The following AMPH variants were observed in gnomAD, a reference collection of about 807,000 sequenced individuals.
AMPH encodes amphiphysin (Stiff-Mann syndrome with breast cancer 128kD autoantigen).
Under a neutral mutation model 99.1 loss-of-function variants are expected in AMPH, and 49 were observed. That is an observed-to-expected ratio of 0.49 (90% confidence interval 0.39 to 0.63). The LOEUF (loss-of-function observed/expected upper bound fraction) is 0.63, where lower values mean the gene tolerates loss of function less well. Among genes scored for constraint, AMPH ranks in the 20% least tolerant of loss-of-function variants. The pLI is 0.00. For synonymous variants in AMPH, 314 were observed against 317.3 expected, an observed-to-expected ratio of 0.99 and a Z score of 0.11; for missense variants, 759 against 863.4, an observed-to-expected ratio of 0.88 and a Z score of 1.52.
chr7:38,405,335 T>C (rs1365721081), intron 17 of AMPH, among the ~76,000 whole-genome samples: 1 of 152,158 alleles, frequency 6.6e-6, no homozygotes, highest in East Asian at 1.9e-4. Flanking sequence ...AACACTATGA[T>C]AGGAACAAAA....
chr7:38,487,580 A>G (rs1788549689), intron 5 of AMPH, among the ~76,000 whole-genome samples: 1 of 152,132 alleles, frequency 6.6e-6, no homozygotes, highest in Non-Finnish European at 1.5e-5. Context: ...CTAGAAGAAA[A>G]CCTAGGCAAT....
At chr7:38,609,060 T>A (rs115113790) in intron 1 of AMPH, among the ~76,000 whole-genome samples, 376 of 152,152 alleles carry the variant, frequency 2.5e-3, no homozygotes, top group African/African-American at 8.5e-3. Flanking sequence ...CCCAATCCCA[T>A]TTGCTGGAAA....
chr7:38,507,059 C>T (rs1789353538), intron 2 of AMPH, among the ~76,000 whole-genome samples: 2 of 152,162 alleles, frequency 1.3e-5, no homozygotes, highest in Non-Finnish European at 1.5e-5. Flanking sequence ...GCATTCTTTT[C>T]TCAAATGTTC....
At chr7:38,392,093 T>C (rs2128974803) in intron 18 of AMPH, 76 bp from the exon 19 acceptor site, 15 of 1,498,020 alleles carry the variant, frequency 1.0e-5, no homozygotes, top group Non-Finnish European at 1.3e-5. Context: ...CAACCTGCCT[T>C]AGCCCCCAGC....
At chr7:38,548,762 T>G (rs532689933) in intron 1 of AMPH, among the ~76,000 whole-genome samples, 1 of 152,268 alleles carries the variant, frequency 6.6e-6, no homozygotes, top group African/African-American at 2.4e-5. Flanking sequence ...CACAAAAGAT[T>G]GGTTGGACAA....
At position 38,583,833 on chromosome 7, in the gene AMPH, C is replaced by A. The variant is rs142939160; in HGVS notation, c.69+47450G>T. ...AAGCCCCTGCACTGCTTACTACCCA[C>A]CAAGTCCTATAATCTTCCTTCCAGT... On this transcript the variant is annotated intron_variant, in intron 1 of 20. Coordinates refer to ENST00000356264, the MANE Select transcript of AMPH (RefSeq NM_001635.4). Among the ~76,000 whole-genome samples, 85 of 152,336 alleles carry A rather than the reference C, an allele frequency of 5.6e-4. 1 individual carries two copies. The highest frequency in any genetic ancestry group is 4.5e-3 in the Admixed American group (69 of 15,298).
chr7:38,526,891 C>A (rs1003112974), intron 2 of AMPH, among the ~76,000 whole-genome samples: 2 of 152,152 alleles, frequency 1.3e-5, no homozygotes, highest in South Asian at 4.1e-4. Context: ...AGTTTTAAAG[C>A]TTTATGTTTT....
intron 3 of AMPH, among the ~76,000 whole-genome samples, chr7:38,494,925 G>C (rs370689024): frequency 5.3e-5 from 8 of 152,070 alleles, no homozygotes; most frequent in East Asian, 1.9e-4. Flanking sequence ...TTAAATACAT[G>C]GCATAAAGCA....
rs373768495 is a variant in AMPH at position 38,540,692 on chromosome 7, C to CAAAAAAAAAAAAAAAAAA, written c.70-5699_70-5682dup. ...AGCTATGAGAAGGTGTGACCCCAAGCAAAAAAAAAAAAAAAAAAAAAAAAA... is the reference window on the plus strand; with the variant it reads ...AGCTATGAGAAGGTGTGACCCCAAGCAAAAAAAAAAAAAAAAAAAAAAAAAAAAAAAAAAAAAAAAAAA... On this transcript the variant is annotated intron_variant, in intron 1 of 20. Transcript: ENST00000356264. 4.6e-4 allele frequency among the ~76,000 whole-genome samples: 9 copies of CAAAAAAAAAAAAAAAAAA among 19,768 alleles called. 4 individuals are homozygous for CAAAAAAAAAAAAAAAAAA. The highest frequency in any genetic ancestry group is 1.2e-3 in the African/African-American group (7 of 5,666). 13.0% of individuals were successfully genotyped at this position (19,768 alleles called of 152,430 possible).
At position 38,436,332 on chromosome 7, in the gene AMPH, A is replaced by G. The variant is rs760882538; in HGVS notation, c.1074T>C (p.Pro358=). 6.2e-7 allele frequency: 1 copy of G among 1,614,206 alleles called. No homozygotes were observed. The stretch of plus-strand genomic sequence containing the variant: ...CTGCAGGTGTCACCTCGGGCTTGAA[A>G]GGATCAAAGTCCAGATCCAGCAAAG... ...EETLLDLDFD[P]FKPEVTPAGS... is the part of the protein sequence containing the mutation. The change falls in exon 12 of 21, where the codon CCT becomes CCC. Residue 358 remains proline (P), a synonymous_variant. Coordinates refer to ENST00000356264, the MANE Select transcript of AMPH (RefSeq NM_001635.4).
intron 1 of AMPH, among the ~76,000 whole-genome samples, chr7:38,562,189 C>G (rs1791578365): frequency 6.6e-6 from 1 of 151,374 alleles, no homozygotes; most frequent in Non-Finnish European, 1.5e-5. Flanking sequence ...CCTCCCTAGA[C>G]AGAGAAAGAA....
intron 1 of AMPH, among the ~76,000 whole-genome samples, chr7:38,577,322 G>GACCATCCCTC (rs1792282100): frequency 2.6e-5 from 4 of 152,300 alleles, no homozygotes; most frequent in African/African-American, 9.6e-5. Context: ...CTAGGCTGTA[G>GACCATCCCTC]TTCCAGCCCC....
intron 1 of AMPH, among the ~76,000 whole-genome samples, chr7:38,538,300 T>C (rs1790687610): frequency 6.6e-6 from 1 of 152,188 alleles, no homozygotes; most frequent in South Asian, 2.1e-4. Context: ...CAATGAACAG[T>C]AGCAAAGAAG....
At chr7:38,540,631 T>C (rs1444786980) in intron 1 of AMPH, among the ~76,000 whole-genome samples, 2 of 142,352 alleles carry the variant, frequency 1.4e-5, no homozygotes, top group Admixed American at 1.5e-4. Context: ...CAGAAATAAC[T>C]TCTGTTAATC....
Position 38,463,065 on chromosome 7 carries a change from C to T in AMPH, c.798G>A (p.Glu266=). ...RIAKTPSPPE[E]PSPLPSPTAS... is the part of the protein sequence containing the mutation. ...CTGTCGGGCTCGGGAGGGGTGAAGG[C>T]TCCTCAGGCGGTGATGGTGTCTTTG... Residue 266 remains glutamate (E), a synonymous_variant, in exon 10 of 21, where the codon GAG becomes GAA. Coordinates refer to ENST00000356264, the MANE Select transcript of AMPH (RefSeq NM_001635.4). 14 of 1,612,430 alleles carry T rather than the reference C, an allele frequency of 8.7e-6. No individual in the cohort carries two copies. Among genetic ancestry groups the T allele is most frequent in the Non-Finnish European group, 1.2e-5 (14 of 1,179,192 alleles).
rs542031778 is a variant in AMPH, at chr7:38,630,766, G to T, written c.69+517C>A. Among the ~76,000 whole-genome samples the T allele has an allele frequency of 1.5e-4, 23 of 152,318 alleles. No individual in the cohort carries two copies. In the South Asian group the frequency reaches 3.3e-3, roughly 22 times the overall value. On this transcript the variant is annotated intron_variant, in intron 1 of 20. Transcript: ENST00000356264. ...CTGGGAGATTTTTGGTGGCTTCTCTGTTAAATCGTTCGTGTCTGCTGCACT... is the reference window on the plus strand; with the variant it reads ...CTGGGAGATTTTTGGTGGCTTCTCTTTTAAATCGTTCGTGTCTGCTGCACT...
intron 1 of AMPH, among the ~76,000 whole-genome samples, chr7:38,587,949 T>TGTGTGTGTGCGCGC (rs931620644): frequency 2.1e-5 from 3 of 146,086 alleles, no homozygotes; most frequent in African/African-American, 7.7e-5. Flanking sequence ...TGTGTGTGTG[T>TGTGTGTGTGCGCGC]GCGCGTGTGT....
intron 1 of AMPH, among the ~76,000 whole-genome samples, chr7:38,575,244 T>C (rs1792195379): frequency 6.6e-6 from 1 of 152,142 alleles, no homozygotes; most frequent in South Asian, 2.1e-4. Flanking sequence ...GTCTTATCTA[T>C]AACAGTTTAA....
intron 1 of AMPH, among the ~76,000 whole-genome samples, chr7:38,624,928 C>A (rs1219237049): frequency 1.3e-5 from 2 of 151,738 alleles, no homozygotes; most frequent in Non-Finnish European, 2.9e-5. Flanking sequence ...AACAAGTCAG[C>A]AGAATGGAGG....
Sources: gnomAD v4.1 joint callset for allele counts (sites outside exome capture counted in the v4.1 genomes callset) on GRCh38, gnomAD v4.1.1 for gene constraint, MANE v1.5 for transcripts, NCBI Gene and HGNC (gene_info 2026-07-23, HGNC 2026-07-21) for gene names.